ROBO1: variants seen among roughly 807,000 people sequenced by gnomAD.
The protein encoded by ROBO1 is roundabout guidance receptor 1.
A neutral mutation model predicts 195.9 loss-of-function variants in ROBO1; 149 were observed. The ratio of observed to expected loss-of-function variants is 0.76; its 90% CI spans 0.67 to 0.87. ROBO1 has a LOEUF of 0.87. Ranked by LOEUF, ROBO1 falls within the 40% of genes least tolerant of loss-of-function variation. The pLI is 0.00. For missense variants in ROBO1, 1,933 were observed against 2,068.3 expected (o/e 0.93, Z 1.27); for synonymous variants, 816 against 733.2 (o/e 1.11, Z -1.82).
chr3:78,809,859 G>C (rs368829754), intron 4 of ROBO1, among the ~76,000 whole-genome samples: 15 of 152,124 alleles, frequency 9.9e-5, no homozygotes, highest in African/African-American at 3.1e-4. Context: ...GCTAGGGGAG[G>C]GATAGCATTA....
intron 3 of ROBO1, among the ~76,000 whole-genome samples, chr3:79,073,411 T>C (rs748199946): frequency 7.2e-5 from 11 of 151,920 alleles, no homozygotes; most frequent in Non-Finnish European, 1.5e-4. Flanking sequence ...TAAATGGATA[T>C]GGGAACCATC....
intron 1 of ROBO1, among the ~76,000 whole-genome samples, chr3:79,605,684 C>G (rs962634174): frequency 7.2e-5 from 11 of 151,944 alleles, no homozygotes; most frequent in African/African-American, 2.7e-4. Context: ...TCGCCATCCT[C>G]CCTTCCTACC....
chr3:79,760,127 C>T (rs1224405941), intron 1 of ROBO1, among the ~76,000 whole-genome samples: 1 of 149,830 alleles, frequency 6.7e-6, no homozygotes, highest in Non-Finnish European at 1.5e-5. Flanking sequence ...GTCCCAGTTA[C>T]TCGGGAGGCT....
intron 2 of ROBO1, among the ~76,000 whole-genome samples, chr3:79,525,817 A>T (rs2107595593): frequency 6.6e-6 from 1 of 151,878 alleles, no homozygotes; most frequent in South Asian, 2.1e-4. Flanking sequence ...TATGTTGTTC[A>T]GGCTGGGTCT....
chr3:78,751,616 T>C (rs2082799114), intron 4 of ROBO1, among the ~76,000 whole-genome samples: 1 of 152,166 alleles, frequency 6.6e-6, no homozygotes, highest in Non-Finnish European at 1.5e-5. Flanking sequence ...TTCAGACTCA[T>C]TCTATTGTAA....
intron 2 of ROBO1, among the ~76,000 whole-genome samples, chr3:79,560,277 G>A (rs901246439): frequency 6.8e-6 from 1 of 147,376 alleles, no homozygotes; most frequent in Non-Finnish European, 1.5e-5. Context: ...GTAAACTATC[G>A]CAAGGACAAA....
intron 2 of ROBO1, among the ~76,000 whole-genome samples, chr3:79,556,239 A>G (rs1395055792): frequency 6.6e-6 from 1 of 152,122 alleles, no homozygotes; most frequent in African/African-American, 2.4e-5. Context: ...ACATTATTTT[A>G]TGTATGCCCT....
chr3:78,737,158 C>T (rs986429808), intron 5 of ROBO1, among the ~76,000 whole-genome samples: 1 of 152,132 alleles, frequency 6.6e-6, no homozygotes, highest in African/African-American at 2.4e-5. Context: ...TTTACTTACT[C>T]ATAATGTTCA....
At chr3:79,019,363 G>C (rs1191745050) in intron 3 of ROBO1, 1 of 985,814 alleles carries the variant, frequency 1.0e-6, no homozygotes. Flanking sequence ...ATGCTGCTGC[G>C]GGTGGGAGAG....
At chr3:78,904,711 T>C (rs1009633466) in intron 4 of ROBO1, among the ~76,000 whole-genome samples, 5 of 150,050 alleles carry the variant, frequency 3.3e-5, no homozygotes, top group Non-Finnish European at 7.4e-5. Flanking sequence ...TATGTATATA[T>C]ATATGTATAT....
chr3:79,061,752 AG>A (rs1559631150), intron 3 of ROBO1, among the ~76,000 whole-genome samples: 1 of 152,216 alleles, frequency 6.6e-6, no homozygotes, highest in Admixed American at 6.5e-5. Flanking sequence ...CAATGGGGAA[AG>A]GATTCCCTAT....
At chr3:79,342,732 C>G (rs571365830) in intron 2 of ROBO1, among the ~76,000 whole-genome samples, 78 of 152,048 alleles carry the variant, frequency 5.1e-4, no homozygotes, top group Non-Finnish European at 9.1e-4. Flanking sequence ...AATGATGAAT[C>G]AAATCTTTAA....
intron 4 of ROBO1, among the ~76,000 whole-genome samples, chr3:78,912,976 C>T: frequency 6.6e-6 from 1 of 152,098 alleles, no homozygotes; most frequent in East Asian, 1.9e-4. Context: ...TTGTTGAATG[C>T]ACTCAACAGA....
At chr3:79,556,446 T>C (rs1001262004) in intron 2 of ROBO1, among the ~76,000 whole-genome samples, 5 of 152,212 alleles carry the variant, frequency 3.3e-5, no homozygotes, top group Non-Finnish European at 7.4e-5. Context: ...TAATTAGGAC[T>C]CACACTTGAG....
chr3:78,776,126 T>C (rs1290928417), intron 4 of ROBO1, among the ~76,000 whole-genome samples: 1 of 152,188 alleles, frequency 6.6e-6, no homozygotes, highest in African/African-American at 2.4e-5. Flanking sequence ...AAGATTTTTA[T>C]CCATAGCACA....
chr3:79,690,156 ATC>A (rs1048935673), intron 1 of ROBO1, among the ~76,000 whole-genome samples: 1 of 151,862 alleles, frequency 6.6e-6, no homozygotes, highest in African/African-American at 2.4e-5. Context: ...CCCCAAAAAT[ATC>A]TGTGTCCTCA....
At position 78,668,307 on chromosome 3, in the gene ROBO1, A is replaced by G; in HGVS notation, c.1631-5T>C. On this transcript the variant is annotated splice_polypyrimidine_tract_variant and splice_region_variant and intron_variant, in intron 12 of 30. Transcript: ENST00000464233. ...GCTGAACTGGAACTCCAAATTCTAA[A>G]AAGCAGGAAAAAGGCCAAAATAAAA... 6.2e-7 allele frequency: 1 copy of G among 1,611,932 alleles called. No homozygotes were observed. Among genetic ancestry groups the G allele is most frequent in the Non-Finnish European group, 8.5e-7 (1 of 1,179,090 alleles).
chr3:79,190,924 T>C (rs2081529012), intron 2 of ROBO1, among the ~76,000 whole-genome samples: 1 of 151,602 alleles, frequency 6.6e-6, no homozygotes, highest in African/African-American at 2.4e-5. Flanking sequence ...ATAACAGAGA[T>C]ACATATAAAT....
At position 79,199,511 on chromosome 3, in the gene ROBO1, T is replaced by C. The variant is rs2081719416; in HGVS notation, c.89-73972A>G. On this transcript the variant is annotated intron_variant, in intron 2 of 30. Transcript: ENST00000464233. ...GGTAGGTGTATTAATTCACCTTCTT[T>C]AACGTGTTCCTGATGATTTATCTTC... Among the ~76,000 whole-genome samples the C allele has an allele frequency of 2.6e-5, 4 of 151,780 alleles. No individual in the cohort carries two copies. The South Asian group carries it at 8.3e-4, about 31-fold the overall frequency.
Sources: allele counts gnomAD v4.1 joint callset (sites outside exome capture counted in the v4.1 genomes callset), GRCh38; gene constraint gnomAD v4.1.1; transcripts MANE v1.5; gene names NCBI Gene and HGNC (gene_info 2026-07-23, HGNC 2026-07-21).